The following TARBP1 variants were observed in gnomAD, a reference collection of about 807,000 sequenced individuals.
TARBP1 encodes the protein tRNA (guanosine(18)-2'-O)-methyltransferase TARBP1.
TARBP1 carries 144 observed loss-of-function variants against 178.6 expected under a neutral mutation model. That is an observed-to-expected ratio of 0.81 (90% confidence interval 0.70 to 0.93). The LOEUF (loss-of-function observed/expected upper bound fraction) is 0.93, where lower values mean the gene tolerates loss of function less well. Among genes scored for constraint, TARBP1 ranks in the 40% least tolerant of loss-of-function variants. The probability of loss-of-function intolerance (pLI) is 0.00; values close to 1 mark genes in which losing one functional copy is unlikely to be tolerated. For missense variants in TARBP1, 2,067 were observed against 2,011.7 expected (o/e 1.03, Z -0.53); for synonymous variants, 787 against 781.0 (o/e 1.01, Z -0.13).
intron 13 of TARBP1, among the ~76,000 whole-genome samples, chr1:234,436,668 A>G (rs1356715093): frequency 6.6e-6 from 1 of 152,238 alleles, no homozygotes; most frequent in African/African-American, 2.4e-5. Flanking sequence ...TGGCAATGTA[A>G]GCATTCAAAT....
intron 11 of TARBP1, among the ~76,000 whole-genome samples, chr1:234,447,976 G>A (rs1419193449): frequency 6.6e-6 from 1 of 152,100 alleles, no homozygotes; most frequent in African/African-American, 2.4e-5. Flanking sequence ...GTCTCACTTT[G>A]TGGTCCAGGC....
At chr1:234,450,329 T>C (rs1666621798) in intron 10 of TARBP1, 99 bp downstream of exon 10, 7 of 899,946 alleles carry the variant, frequency 7.8e-6, no homozygotes, top group Non-Finnish European at 1.1e-5. Context: ...TAAATCATCA[T>C]ATATTTCGTA....
intron 6 of TARBP1, among the ~76,000 whole-genome samples, chr1:234,462,038 C>T (rs1228541967): frequency 1.3e-5 from 2 of 152,242 alleles, no homozygotes; most frequent in Non-Finnish European, 2.9e-5. Flanking sequence ...GACTAAATAA[C>T]TGTGAATGAA....
At chr1:234,403,241 G>C (rs569532283) in intron 24 of TARBP1, among the ~76,000 whole-genome samples, 1 of 152,276 alleles carries the variant, frequency 6.6e-6, no homozygotes, top group Non-Finnish European at 1.5e-5. Flanking sequence ...GCTTGCTTTA[G>C]TTAAAGCTCT....
chr1:234,406,226 T>C (rs113255178), intron 23 of TARBP1, 127 bp from the exon 24 acceptor site: 29 of 810,490 alleles, frequency 3.6e-5, no homozygotes, highest in African/African-American at 3.5e-4. Flanking sequence ...CTGGCTTTGC[T>C]ACCAGGGCCT....
intron 24 of TARBP1, chr1:234,405,228 G>A (rs1304356441): frequency 1.3e-5 from 2 of 151,978 alleles, no homozygotes; most frequent in Non-Finnish European, 2.9e-5. Flanking sequence ...AAAAAATCCA[G>A]AATTCCTGGA....
chr1:234,471,368 G>C, intron 2 of TARBP1, 111 bp from the exon 3 acceptor site: 1 of 703,828 alleles, frequency 1.4e-6, no homozygotes, highest in East Asian at 2.7e-5. Flanking sequence ...CAAAACATAT[G>C]TAGAAAGAGC....
intron 12 of TARBP1, 48 bp from the exon 13 acceptor site, chr1:234,437,420 G>T (rs780036418): frequency 1.1e-6 from 1 of 930,116 alleles, no homozygotes; most frequent in Admixed American, 2.4e-5. Flanking sequence ...CAGTTCTTTG[G>T]TACAAAACAC....
intron 12 of TARBP1, among the ~76,000 whole-genome samples, chr1:234,443,217 G>A (rs2103187928): frequency 6.6e-6 from 1 of 151,272 alleles, no homozygotes; most frequent in South Asian, 2.1e-4. Context: ...TTGAACCCGG[G>A]AGGCAAAGGT....
rs753095114 is a variant in TARBP1 at position 234,391,431 on chromosome 1, A to G, written c.*146T>C. 1.3e-6 allele frequency: 1 copy of G among 756,118 alleles called. No individual in the cohort carries two copies. The highest frequency in any genetic ancestry group is 2.0e-6 in the Non-Finnish European group (1 of 490,016). 46.8% of individuals were successfully genotyped at this position (756,118 alleles called of 1,614,324 possible). ...GGGGAAAATATATAGTAATATGTTT[A>G]AGGCACATGGCAAACTTTTGGCATT... On this transcript the variant is annotated 3_prime_UTR_variant, in exon 30 of 30. Coordinates refer to ENST00000040877, the MANE Select transcript of TARBP1 (RefSeq NM_005646.4).
At position 234,472,727 on chromosome 1, in the gene TARBP1, A is replaced by G; in HGVS notation, c.1016T>C (p.Leu339Ser). 6.3e-7 allele frequency: 1 copy of G among 1,591,084 alleles called. No homozygotes were observed. The highest frequency in any genetic ancestry group is 8.5e-7 in the Non-Finnish European group (1 of 1,171,320). ...WENYILIMETLEGNQIHVIKP... is the reference protein window; with the variant it reads ...WENYILIMETSEGNQIHVIKP... ...AAAAACACTTACCTGATTTCCTTCT[A>G]AAGTCTCCATAATTAAAATATAATT... The change falls in exon 2 of 30, where the codon TTA becomes TCA. Residue 339 changes from leucine (L) to serine (S), a missense_variant. Physicochemically the swap from Leu to Ser is moderately radical, Grantham distance 145. Coordinates refer to ENST00000040877, the MANE Select transcript of TARBP1 (RefSeq NM_005646.4).
At chr1:234,391,962 C>T (rs1659416019) in intron 29 of TARBP1, among the ~76,000 whole-genome samples, 1 of 152,116 alleles carries the variant, frequency 6.6e-6, no homozygotes, top group African/African-American at 2.4e-5. Context: ...TTCAGCTGGC[C>T]ATGCCAGAGA....
chr1:234,418,049 A>G (rs1662630629), intron 22 of TARBP1, 35 bp downstream of exon 22: 1 of 1,156,912 alleles, frequency 8.6e-7, no homozygotes, highest in East Asian at 3.0e-5. Context: ...ATCATGTCTT[A>G]GTTTAAAAAT....
At chr1:234,440,419 G>A (rs1483817056) in intron 12 of TARBP1, among the ~76,000 whole-genome samples, 1 of 150,948 alleles carries the variant, frequency 6.6e-6, no homozygotes, top group Non-Finnish European at 1.5e-5. Flanking sequence ...TCTTTGAAAA[G>A]GTCAATAAAA....
At position 234,467,536 on chromosome 1, in the gene TARBP1, G is replaced by A; in HGVS notation, c.1214C>T (p.Thr405Ile). ...GVIHFLELYETKILPFSPEFS... is the reference protein window; with the variant it reads ...GVIHFLELYEIKILPFSPEFS... ...TTCTGGTGAAAATGGAAGAATCTTT[G>A]TTTCATACAGCTCCAAAAAATGGAT... is the stretch of plus-strand genomic sequence containing the variant. Residue 405 changes from threonine (T) to isoleucine (I), a missense_variant, in exon 4 of 30, where the codon ACA becomes ATA. Physicochemically the swap from Thr to Ile is moderately conservative, Grantham distance 89. Transcript: ENST00000040877. The A allele has an allele frequency of 6.2e-7, 1 of 1,601,814 alleles. No homozygotes were observed. The highest frequency in any genetic ancestry group is 1.1e-5 in the South Asian group (1 of 88,254).
intron 15 of TARBP1, among the ~76,000 whole-genome samples, 190 bp from the exon 16 acceptor site, chr1:234,429,867 A>T (rs934353531): frequency 6.6e-6 from 1 of 152,160 alleles, no homozygotes; most frequent in African/African-American, 2.4e-5. Flanking sequence ...AACTTCTCTG[A>T]AAGTAGGTAC....
At chr1:234,448,826 G>T (rs1240488884) in intron 10 of TARBP1, among the ~76,000 whole-genome samples, 1 of 152,174 alleles carries the variant, frequency 6.6e-6, no homozygotes, top group Admixed American at 6.5e-5. Context: ...TGCAGACCCA[G>T]TGTTTCCTGT....
Position 234,391,646 on chromosome 1 carries a change from C to A in TARBP1, c.4797G>T (p.Val1599=), listed in dbSNP as rs977484552. 13 of 1,613,594 alleles carry A rather than the reference C, an allele frequency of 8.1e-6. No homozygotes were observed. The African/African-American group carries it at 1.7e-4, about 22-fold the overall frequency. Reference sequence around the variant, plus strand: ...ACTCCCAGATCAGCAGGGCTCCACTCACATGGACATTCAGGGAGCGGATAA... The same window carrying A: ...ACTCCCAGATCAGCAGGGCTCCACTAACATGGACATTCAGGGAGCGGATAA... ...QGIIRSLNVH[V]SGALLIWEYT... The change falls in exon 30 of 30, where the codon GTG becomes GTT. Residue 1599 remains valine (V), a synonymous_variant. Transcript: ENST00000040877.
intron 22 of TARBP1, among the ~76,000 whole-genome samples, chr1:234,415,070 G>T (rs928992012): frequency 1.3e-5 from 2 of 152,266 alleles, no homozygotes; most frequent in East Asian, 3.9e-4. Flanking sequence ...TGATGAAATA[G>T]TAGAGAGCCA....
Sources: gnomAD v4.1 joint callset for allele counts (sites outside exome capture counted in the v4.1 genomes callset) on GRCh38, gnomAD v4.1.1 for gene constraint, MANE v1.5 for transcripts, NCBI Gene and HGNC (gene_info 2026-07-23, HGNC 2026-07-21) for gene names.